Variants in METTL25 observed in about 807,000 individuals in gnomAD.
The protein encoded by METTL25 is methyltransferase like 25.
A neutral mutation model predicts 71.6 loss-of-function variants in METTL25; 64 were observed. The observed-to-expected ratio is 0.89, with a 90% CI of 0.73 to 1.10. METTL25 has a LOEUF of 1.10. Ranked by LOEUF, METTL25 falls within the 50% of genes least tolerant of loss-of-function variation. METTL25 has a pLI of 0.00. For synonymous variants in METTL25, 287 were observed against 250.3 expected (o/e 1.15, Z -1.38); for missense variants, 807 against 707.0 (o/e 1.14, Z -1.60).
chr12:82,376,479 A>G (rs1428426356), intron 1 of METTL25, among the ~76,000 whole-genome samples: 1 of 152,230 alleles, frequency 6.6e-6, no homozygotes, highest in Non-Finnish European at 1.5e-5. Flanking sequence ...AACTGAAGTA[A>G]TCTTCTATGA....
rs1592559973 is a variant in METTL25 at position 82,358,831 on chromosome 12, G to A, written c.259+7G>A. On this transcript the variant is annotated splice_region_variant and intron_variant, in intron 1 of 11. Coordinates refer to ENST00000248306, the MANE Select transcript of METTL25 (RefSeq NM_032230.3). ...GAAGCAGAGTGGGAAGCAGGTGGGT[G>A]GTGGGGTAGGCGGGGCGGGAAGGGA... 1 of 1,606,538 alleles carries A rather than the reference G, an allele frequency of 6.2e-7. No individual in the cohort carries two copies. The highest frequency in any genetic ancestry group is 8.5e-7 in the Non-Finnish European group (1 of 1,175,390).
intron 5 of METTL25, among the ~76,000 whole-genome samples, chr12:82,403,809 A>G (rs1383733644): frequency 6.6e-6 from 1 of 152,170 alleles, no homozygotes; most frequent in African/African-American, 2.4e-5. Context: ...ATATGATTTC[A>G]AAACTGCTGG....
intron 1 of METTL25, among the ~76,000 whole-genome samples, chr12:82,384,135 T>C (rs1565814293): frequency 6.6e-6 from 1 of 152,194 alleles, no homozygotes; most frequent in Non-Finnish European, 1.5e-5. Flanking sequence ...CCATATAATA[T>C]GCAGGTGCGA....
intron 1 of METTL25, among the ~76,000 whole-genome samples, chr12:82,363,599 T>C (rs1882209374): frequency 6.6e-6 from 1 of 152,082 alleles, no homozygotes; most frequent in African/African-American, 2.4e-5. Context: ...GTTTTCACAG[T>C]TTGAGTCAAA....
In METTL25 at chr12:82,386,968, G is replaced by A. The variant is rs1464182146; in HGVS notation, c.424+1G>A. On this transcript the variant is annotated splice_donor_variant, in intron 2 of 11. Coordinates refer to ENST00000248306, the MANE Select transcript of METTL25 (RefSeq NM_032230.3). LOFTEE classifies it high-confidence loss of function. ...CGAGGAAATCAAAACCAGAGAATTG[G>A]TATGTCTATTTATGTGTGTGTATGT... 1.2e-6 allele frequency: 2 copies of A among 1,611,684 alleles called. No homozygotes were observed. Among genetic ancestry groups the A allele is most frequent in the South Asian group, 1.1e-5 (1 of 90,938 alleles).
At chr12:82,422,417 T>C (rs1888602487) in intron 5 of METTL25, among the ~76,000 whole-genome samples, 1 of 152,142 alleles carries the variant, frequency 6.6e-6, no homozygotes, top group Non-Finnish European at 1.5e-5. Flanking sequence ...GAGCTATGTA[T>C]GACAAACCCA....
Position 82,398,900 on chromosome 12 carries a change from G to A in METTL25, c.637G>A (p.Ala213Thr). The change falls in exon 4 of 12, where the codon GCT becomes ACT. Residue 213 changes from alanine to threonine, a missense_variant. Ala to Thr is a moderately conservative substitution (Grantham distance 58). Coordinates refer to ENST00000248306, the MANE Select transcript of METTL25 (RefSeq NM_032230.3). Reference sequence around the variant, plus strand: ...TTCTTCAAATACCAATACTCATGGAGCTGAGGAGAGAAACAGAAAATTGAA... The same window carrying A: ...TTCTTCAAATACCAATACTCATGGAACTGAGGAGAGAAACAGAAAATTGAA... Reference protein sequence around the residue: ...IDSSNTNTHGAEERNRKLKKH... With the variant: ...IDSSNTNTHGTEERNRKLKKH... 6.2e-7 allele frequency: 1 copy of A among 1,612,540 alleles called. No individual in the cohort carries two copies. Among genetic ancestry groups the A allele is most frequent in the South Asian group, 1.1e-5 (1 of 90,892 alleles).
intron 3 of METTL25, among the ~76,000 whole-genome samples, chr12:82,393,193 C>T (rs1462485478): frequency 1.3e-5 from 2 of 151,958 alleles, no homozygotes; most frequent in East Asian, 3.9e-4. Flanking sequence ...ATAGGGATTG[C>T]ACTGAATCTC....
chr12:82,388,397 T>C lies in METTL25; in HGVS notation c.425-1419T>C, dbSNP rs933111614. Reference sequence around the variant, plus strand: ...GCAAGAGAGGGGCTGTTTGGTGAATTATGGCTCTTGGTAAGAACCATTATA... The same window carrying C: ...GCAAGAGAGGGGCTGTTTGGTGAATCATGGCTCTTGGTAAGAACCATTATA... On this transcript the variant is annotated intron_variant, in intron 2 of 11. Coordinates refer to ENST00000248306, the MANE Select transcript of METTL25 (RefSeq NM_032230.3). 6.6e-5 allele frequency among the ~76,000 whole-genome samples: 10 copies of C among 152,192 alleles called. No individual in the cohort carries two copies. The East Asian group carries it at 1.9e-3, about 29-fold the overall frequency.
At chr12:82,371,038 A>C (rs1379771683) in intron 1 of METTL25, among the ~76,000 whole-genome samples, 1 of 152,254 alleles carries the variant, frequency 6.6e-6, no homozygotes, top group Non-Finnish European at 1.5e-5. Flanking sequence ...ATGTAGGATT[A>C]AATGAACACA....
At chr12:82,362,585 A>G (rs1882074178) in intron 1 of METTL25, among the ~76,000 whole-genome samples, 1 of 152,190 alleles carries the variant, frequency 6.6e-6, no homozygotes, top group African/African-American at 2.4e-5. Flanking sequence ...AGCCCAGGAC[A>G]TCCTCACATA....
chr12:82,431,030 GTT>G, intron 6 of METTL25, 43 bp downstream of exon 6: 1 of 1,327,202 alleles, frequency 7.5e-7, no homozygotes, highest in Admixed American at 2.0e-5. Flanking sequence ...TTATCCAGAT[GTT>G]GTAGAATTTA....
chr12:82,380,493 A>G (rs1032089248), intron 1 of METTL25, among the ~76,000 whole-genome samples: 2 of 152,176 alleles, frequency 1.3e-5, no homozygotes, highest in Non-Finnish European at 2.9e-5. Flanking sequence ...ATGTACATGT[A>G]TATGTGTATA....
At chr12:82,461,642 A>G (rs1027283938) in intron 9 of METTL25, among the ~76,000 whole-genome samples, 2 of 152,302 alleles carry the variant, frequency 1.3e-5, no homozygotes. Context: ...GAGAAAATTC[A>G]TGCTTGTCAA....
At chr12:82,413,230 G>A (rs780554985) in intron 5 of METTL25, among the ~76,000 whole-genome samples, 2 of 151,846 alleles carry the variant, frequency 1.3e-5, no homozygotes, top group Non-Finnish European at 2.9e-5. Context: ...AGCCAATTTA[G>A]TAACAACAAC....
At chr12:82,435,671 G>A (rs1309259591) in intron 7 of METTL25, among the ~76,000 whole-genome samples, 1 of 151,222 alleles carries the variant, frequency 6.6e-6, no homozygotes, top group African/African-American at 2.4e-5. Flanking sequence ...TTCTTTATCT[G>A]TAAAATAGGG....
At chr12:82,426,942 C>T (rs989562364) in intron 5 of METTL25, among the ~76,000 whole-genome samples, 1 of 151,932 alleles carries the variant, frequency 6.6e-6, no homozygotes, top group Admixed American at 6.6e-5. Context: ...GAACTAATCC[C>T]ATCATGCCTT....
intron 1 of METTL25, among the ~76,000 whole-genome samples, chr12:82,367,659 G>A (rs1389464011): frequency 6.6e-6 from 1 of 152,106 alleles, no homozygotes; most frequent in Non-Finnish European, 1.5e-5. Context: ...TTTCATTCAT[G>A]TTGCCACTCA....
intron 8 of METTL25, among the ~76,000 whole-genome samples, chr12:82,448,095 T>G (rs1890887197): frequency 6.6e-6 from 1 of 152,108 alleles, no homozygotes; most frequent in Admixed American, 6.6e-5. Flanking sequence ...TGTATTAGCA[T>G]TGTAAATCAA....
Sources: gnomAD v4.1 joint callset for allele counts (sites outside exome capture counted in the v4.1 genomes callset) on GRCh38, gnomAD v4.1.1 for gene constraint, MANE v1.5 for transcripts, NCBI Gene and HGNC (gene_info 2026-07-23, HGNC 2026-07-21) for gene names.